The following SLC45A4 variants were observed in gnomAD, a reference collection of about 807,000 sequenced individuals.
SLC45A4 encodes the protein polyamine-transporter SLC45A4.
A neutral mutation model predicts 63.7 loss-of-function variants in SLC45A4; 32 were observed. The ratio of observed to expected loss-of-function variants is 0.50; its 90% CI spans 0.38 to 0.67. The LOEUF (loss-of-function observed/expected upper bound fraction) is 0.67. Among genes scored for constraint, SLC45A4 ranks in the 30% least tolerant of loss-of-function variants. SLC45A4 has a pLI of 0.00. For missense variants in SLC45A4, 1,027 were observed against 1,157.7 expected (o/e 0.89, Z 1.64); for synonymous variants, 535 against 510.0 (o/e 1.05, Z -0.66).
chr8:141,248,121 T>C (rs778367558), intron 2 of SLC45A4, among the ~76,000 whole-genome samples: 4 of 152,106 alleles, frequency 2.6e-5, no homozygotes, highest in Non-Finnish European at 4.4e-5. Flanking sequence ...AGTACTACAC[T>C]CCAGCCCAGG....
rs1828670523 is a variant in SLC45A4, at chr8:141,254,415, G to A, written c.-186C>T. ...AACTTCTCACAACGGTATGAGACAT[G>A]CAGCAACACAGAACGATTTTTGGTT... On this transcript the variant is annotated 5_prime_UTR_variant, in exon 2 of 9. Coordinates refer to ENST00000517878, the MANE Select transcript of SLC45A4 (RefSeq NM_001286646.2). This position sits in a 1 kb window ranked among gnomAD's most constrained non-coding sequence, Gnocchi z 4.5. 1.4e-6 allele frequency: 1 copy of A among 705,562 alleles called. No homozygotes were observed. Among genetic ancestry groups the A allele is most frequent in the Non-Finnish European group, 2.4e-6 (1 of 422,294 alleles). 43.7% of individuals were successfully genotyped at this position (705,562 alleles called of 1,614,324 possible).
chr8:141,212,004 T>C, intron 8 of SLC45A4, 193 bp downstream of exon 8: 4 of 1,310,060 alleles, frequency 3.1e-6, no homozygotes, highest in Non-Finnish European at 3.9e-6. Flanking sequence ...ATTTGCTTAG[T>C]AGCTCAAACC....
intron 2 of SLC45A4, among the ~76,000 whole-genome samples, chr8:141,253,700 G>A (rs1045136339): frequency 2.0e-5 from 3 of 152,300 alleles, no homozygotes; most frequent in African/African-American, 2.4e-5. Flanking sequence ...GGTGAGCCCC[G>A]GCCGAGAGCC....
At chr8:141,237,633 C>T (rs547270308) in intron 2 of SLC45A4, among the ~76,000 whole-genome samples, 13 of 152,256 alleles carry the variant, frequency 8.5e-5, no homozygotes, top group Non-Finnish European at 8.8e-5. Flanking sequence ...AACCCTCACC[C>T]CAAAGCCACA....
chr8:141,231,452 C>T (rs1291037530), intron 2 of SLC45A4, among the ~76,000 whole-genome samples: 1 of 152,214 alleles, frequency 6.6e-6, no homozygotes, highest in African/African-American at 2.4e-5. Context: ...AGGCTTGGAT[C>T]ACAAGGTCAC....
At chr8:141,246,801 T>C (rs1030335691) in intron 2 of SLC45A4, among the ~76,000 whole-genome samples, 8 of 152,122 alleles carry the variant, frequency 5.3e-5, no homozygotes, top group Non-Finnish European at 1.2e-4. Context: ...AAACCAATGC[T>C]ATAAGCTTCA....
chr8:141,218,603 C>T lies in SLC45A4; in HGVS notation c.1037G>A (p.Ser346Asn), dbSNP rs1447807488. The T allele has an allele frequency of 6.2e-7, 1 of 1,613,322 alleles. No homozygotes were observed. Among genetic ancestry groups the T allele is most frequent in the Non-Finnish European group, 8.5e-7 (1 of 1,179,912 alleles). The change falls in exon 5 of 9, where the codon AGC (serine) becomes AAC (asparagine). Residue 346 changes from serine (S) to asparagine (N), a missense_variant. By Grantham distance (46) the Ser-to-Asn change is conservative (BLOSUM62 1). Transcript: ENST00000517878. The part of the protein sequence containing the change: ...HDASYPATPR[S>N]TSQELAKTKL... ...GGTCTTGGCGAGCTCCTGGCTGGTG[C>T]TGCGGGGGGTGGCGGGGTAGGAGGC...
At chr8:141,211,748 A>G (rs559848198) in intron 8 of SLC45A4, 51 bp from the exon 9 acceptor site, 1 of 1,482,888 alleles carries the variant, frequency 6.7e-7, no homozygotes, top group Non-Finnish European at 9.0e-7. Flanking sequence ...CTACACTACC[A>G]TTATCTGAAG....
rs1825763643 is a variant in SLC45A4, at chr8:141,210,869, A to G, written c.*703T>C. On this transcript the variant is annotated 3_prime_UTR_variant, in exon 9 of 9. Coordinates refer to ENST00000517878, the MANE Select transcript of SLC45A4 (RefSeq NM_001286646.2). ...GACCGTTTCAAATAGGCTTAGTTCT[A>G]AAGAGACTGTGGTTTGGAAAACATT... The G allele has an allele frequency of 6.6e-6, 1 of 152,284 alleles. No homozygotes were observed. The highest frequency in any genetic ancestry group is 1.5e-5 in the Non-Finnish European group (1 of 68,080). 9.4% of individuals were successfully genotyped at this position (152,284 alleles called of 1,614,324 possible).
chr8:141,266,815 C>T (rs962230058), intron 1 of SLC45A4, among the ~76,000 whole-genome samples: 10 of 152,148 alleles, frequency 6.6e-5, no homozygotes, highest in Non-Finnish European at 8.8e-5. Context: ...GCTGGAAGGG[C>T]GGAAATTTCC....
rs908338102 is a variant in SLC45A4, at chr8:141,308,260, C to A, written c.-565G>T. ...CCGGCCGGGCGGTCAGTCAGCGACG[C>A]GGGCGCGGAGAGAGCGCTGCGAGGC... On this transcript the variant is annotated 5_prime_UTR_variant, in exon 1 of 9. Transcript: ENST00000517878. 4 of 147,532 alleles carry A rather than the reference C, an allele frequency of 2.7e-5. No homozygotes were observed. The highest frequency in any genetic ancestry group is 3.9e-4 in the East Asian group (2 of 5,114). The allele number at this position is 147,532 out of a possible 1,614,324, so 9.1% of individuals were successfully genotyped here. A position where few individuals can be genotyped will look rare whatever the true frequency, so the allele number is the denominator to read the frequency against.
intron 1 of SLC45A4, among the ~76,000 whole-genome samples, chr8:141,294,905 A>G (rs145637845): frequency 5.6e-4 from 86 of 152,290 alleles, no homozygotes; most frequent in African/African-American, 2.0e-3. Flanking sequence ...GGCACTCCCA[A>G]GTGGCAGCCT....
intron 2 of SLC45A4, among the ~76,000 whole-genome samples, chr8:141,237,679 G>A (rs976583892): frequency 1.3e-5 from 2 of 152,056 alleles, no homozygotes; most frequent in Non-Finnish European, 2.9e-5. Context: ...TGCCTTCCCC[G>A]AAGTGGCGCT....
At chr8:141,282,657 C>G (rs1303215093) in intron 1 of SLC45A4, among the ~76,000 whole-genome samples, 1 of 152,250 alleles carries the variant, frequency 6.6e-6, no homozygotes, top group South Asian at 2.1e-4. Context: ...AAACTTCAAC[C>G]CAACGTCCAA....
At chr8:141,212,095 G>A (rs1825854691) in intron 8 of SLC45A4, 102 bp downstream of exon 8, 2 of 1,424,784 alleles carry the variant, frequency 1.4e-6, no homozygotes, top group South Asian at 1.5e-5. Context: ...GCATCTGCAG[G>A]GTTCCGCGGT....
intron 2 of SLC45A4, among the ~76,000 whole-genome samples, chr8:141,244,150 G>A (rs995095110): frequency 1.3e-5 from 2 of 152,162 alleles, no homozygotes; most frequent in African/African-American, 4.8e-5. Context: ...CGCCTGTCCT[G>A]AGGTCACAGG....
intron 6 of SLC45A4, among the ~76,000 whole-genome samples, 154 bp from the exon 7 acceptor site, chr8:141,216,124 G>A (rs893358926): frequency 1.2e-4 from 18 of 151,920 alleles, no homozygotes; most frequent in African/African-American, 4.1e-4. Flanking sequence ...GCTGGCACAG[G>A]CCTCCGGCAC....
intron 2 of SLC45A4, among the ~76,000 whole-genome samples, chr8:141,241,729 A>T: frequency 6.6e-6 from 1 of 151,586 alleles, no homozygotes; most frequent in Non-Finnish European, 1.5e-5. Flanking sequence ...AGGTCTGGGC[A>T]CCCCCACTGC....
At chr8:141,255,467 G>A (rs1351322391) in intron 1 of SLC45A4, among the ~76,000 whole-genome samples, 2 of 152,222 alleles carry the variant, frequency 1.3e-5, no homozygotes, top group Non-Finnish European at 2.9e-5. Flanking sequence ...TGTAATCCCA[G>A]CACATTGGGG....
Sources: allele counts gnomAD v4.1 joint callset (sites outside exome capture counted in the v4.1 genomes callset), GRCh38; gene constraint gnomAD v4.1.1; non-coding constraint Gnocchi (gnomAD v3.1); transcripts MANE v1.5; gene names NCBI Gene and HGNC (gene_info 2026-07-23, HGNC 2026-07-21).